The following BTBD16 variants were observed in gnomAD, a reference collection of about 807,000 sequenced individuals.
The protein encoded by BTBD16 is BTB/POZ domain-containing protein 16.
A neutral mutation model predicts 67.4 loss-of-function variants in BTBD16; 66 were observed. The observed-to-expected ratio is 0.98, with a 90% CI of 0.80 to 1.20. The LOEUF is 1.20. Ranked by LOEUF, BTBD16 falls within the 50% of genes most tolerant of loss-of-function variation. The pLI is 0.00. For missense variants in BTBD16, 634 were observed against 616.0 expected (o/e 1.03, Z -0.31); for synonymous variants, 242 against 236.4 (o/e 1.02, Z -0.22).
intron 5 of BTBD16, among the ~76,000 whole-genome samples, chr10:122,286,497 C>G (rs556793838): frequency 2.6e-5 from 4 of 152,142 alleles, no homozygotes; most frequent in African/African-American, 7.2e-5. Flanking sequence ...AGGCCTGGCA[C>G]ACAGCAAGCT....
intron 10 of BTBD16, among the ~76,000 whole-genome samples, chr10:122,307,519 G>C (rs2096405806): frequency 6.6e-6 from 1 of 152,054 alleles, no homozygotes. Context: ...GTTGTACTAT[G>C]AGATAATCAG....
chr10:122,293,872 C>G (rs907578908), intron 7 of BTBD16, among the ~76,000 whole-genome samples: 5 of 152,212 alleles, frequency 3.3e-5, no homozygotes, highest in African/African-American at 1.2e-4. Context: ...CTCAGCTGCC[C>G]TACCTTAGGA....
Position 122,336,603 on chromosome 10 carries a change from T to G in BTBD16, c.1373T>G (p.Val458Gly). ...VKYEIRAEAL[V>G]DGKWQEFRTN... is the part of the protein sequence containing the mutation. Reference sequence around the variant, plus strand: ...TATGAGATCAGAGCAGAGGCCCTGGTTGACGGCAAGTGGCAGGAGTTCAGG... The same window carrying G: ...TATGAGATCAGAGCAGAGGCCCTGGGTGACGGCAAGTGGCAGGAGTTCAGG... Residue 458 changes from valine to glycine, a missense_variant, in exon 15 of 16, where the codon GTT becomes GGT. By Grantham distance (109) the Val-to-Gly change is moderately radical. Transcript: ENST00000260723. 1 of 1,613,052 alleles carries G rather than the reference T, an allele frequency of 6.2e-7. No homozygotes were observed. Among genetic ancestry groups the G allele is most frequent in the Non-Finnish European group, 8.5e-7 (1 of 1,179,772 alleles).
rs1443361178 is a variant in BTBD16, at chr10:122,334,899, A to G, written c.1183A>G (p.Lys395Glu). The change falls in exon 14 of 16, where the codon AAA (lysine) becomes GAA (glutamate). Residue 395 changes from lysine (K) to glutamate (E), a missense_variant. Transcript: ENST00000260723. ...LFNQENTTYS[K>E]TIALYGFFFK... The stretch of plus-strand genomic sequence containing the variant: ...AATTTAGGAGAATACAACTTATTCG[A>G]AAACGATTGCTCTATATGGATTCTT... The G allele has an allele frequency of 1.3e-6, 2 of 1,567,860 alleles. No individual in the cohort carries two copies. Among genetic ancestry groups the G allele is most frequent in the African/African-American group, 2.7e-5 (2 of 73,662 alleles).
rs780049084 is a variant in BTBD16 at position 122,331,158 on chromosome 10, C to G, written c.1004-18C>G. The stretch of plus-strand genomic sequence containing the variant: ...TGTGAATAAAACTAAAAAACATTCT[C>G]TTTGCGTTTCTTCCCAGGCAAGGAT... On this transcript the variant is annotated intron_variant, in intron 11 of 15. Transcript: ENST00000260723. 2.5e-6 allele frequency: 4 copies of G among 1,605,674 alleles called. No individual in the cohort carries two copies. The highest frequency in any genetic ancestry group is 3.4e-6 in the Non-Finnish European group (4 of 1,177,734).
intron 9 of BTBD16, among the ~76,000 whole-genome samples, chr10:122,304,805 G>A (rs913648331): frequency 2.6e-5 from 4 of 152,062 alleles, no homozygotes; most frequent in East Asian, 1.9e-4. Flanking sequence ...TGCCCGCCTC[G>A]GCCTCCCAAA....
intron 10 of BTBD16, among the ~76,000 whole-genome samples, chr10:122,313,973 G>T (rs939184455): frequency 6.6e-6 from 1 of 152,100 alleles, no homozygotes; most frequent in Non-Finnish European, 1.5e-5. Flanking sequence ...TATAAATCTT[G>T]AGATGGAATA....
In BTBD16 at chr10:122,278,574, G is replaced by A. The variant is rs115029271; in HGVS notation, c.167+1635G>A. ...TTAATCCCGGTGATTTCATCTTGGG[G>A]TGTCTCAGCTCTGTGCTCTGCCAGT... On this transcript the variant is annotated intron_variant, in intron 3 of 15. Transcript: ENST00000260723. Among the ~76,000 whole-genome samples the A allele has an allele frequency of 3.8e-3, 580 of 152,266 alleles. 7 individuals are homozygous for A. The highest frequency in any genetic ancestry group is 0.013 in the African/African-American group (524 of 41,552).
At chr10:122,295,107 A>AC (rs889397828) in intron 7 of BTBD16, among the ~76,000 whole-genome samples, 33 of 152,320 alleles carry the variant, frequency 2.2e-4, no homozygotes, top group African/African-American at 7.9e-4. Context: ...CAGAGCTGGC[A>AC]CTCAGGATGG....
intron 5 of BTBD16, chr10:122,287,314 C>A: frequency 1.8e-6 from 1 of 555,438 alleles, no homozygotes; most frequent in Admixed American, 6.4e-5. Flanking sequence ...CTCTGGTGAG[C>A]CAGACAGTGA....
At position 122,276,934 on chromosome 10, in the gene BTBD16, A is replaced by G. The variant is rs2096341916; in HGVS notation, c.162A>G (p.Pro54=). 6.2e-7 allele frequency: 1 copy of G among 1,613,892 alleles called. No homozygotes were observed. The highest frequency in any genetic ancestry group is 1.3e-5 in the African/African-American group (1 of 74,914). ...SIDFEEALRN[P]DRLCISQIQK... ...ACTTTGAGGAAGCTTTGAGGAACCC[A>G]GACAGGTATGGAGACTCAAAGGTTT... The change falls in exon 3 of 16, where the codon CCA becomes CCG. Residue 54 remains proline, a synonymous_variant. Coordinates refer to ENST00000260723, the MANE Select transcript of BTBD16 (RefSeq NM_144587.5).
At chr10:122,273,221 G>GATATATATATATAT (rs71715395) in intron 1 of BTBD16, among the ~76,000 whole-genome samples, 1,948 of 129,220 alleles carry the variant, frequency 0.015, 21 homozygotes, top group East Asian at 0.038. Context: ...GCAACACAAA[G>GATATATATATATAT]ATATATATAT....
intron 5 of BTBD16, among the ~76,000 whole-genome samples, chr10:122,286,754 GTC>G (rs2096364583): frequency 6.6e-6 from 1 of 151,936 alleles, no homozygotes; most frequent in African/African-American, 2.4e-5. Flanking sequence ...TTCTCTTCTC[GTC>G]TCTCTTCCAC....
intron 15 of BTBD16, among the ~76,000 whole-genome samples, chr10:122,337,191 A>C (rs767113553): frequency 4.6e-5 from 7 of 152,202 alleles, no homozygotes; most frequent in Non-Finnish European, 1.0e-4. Context: ...CCAGTGAGTA[A>C]TTCCTGGTCC....
intron 10 of BTBD16, among the ~76,000 whole-genome samples, chr10:122,315,251 A>G (rs1253237740): frequency 1.3e-5 from 2 of 152,192 alleles, no homozygotes; most frequent in Non-Finnish European, 2.9e-5. Flanking sequence ...ATACAGTTTG[A>G]TGACTTTGAT....
chr10:122,302,717 T>C (rs2096396472), intron 9 of BTBD16, among the ~76,000 whole-genome samples: 1 of 152,204 alleles, frequency 6.6e-6, no homozygotes, highest in Non-Finnish European at 1.5e-5. Flanking sequence ...ACACTAACAA[T>C]ACCCACCAAT....
intron 3 of BTBD16, among the ~76,000 whole-genome samples, chr10:122,283,028 G>A (rs929813624): frequency 6.6e-6 from 1 of 152,226 alleles, no homozygotes; most frequent in African/African-American, 2.4e-5. Context: ...GGGGACCGTT[G>A]AGGGACCAGG....
At chr10:122,274,225 C>T (rs2096335418) in intron 1 of BTBD16, among the ~76,000 whole-genome samples, 2 of 152,224 alleles carry the variant, frequency 1.3e-5, no homozygotes, top group Admixed American at 1.3e-4. Context: ...AAGGTGTCTG[C>T]CCTCAGGGGC....
At chr10:122,288,845 G>A (rs1433616252) in intron 5 of BTBD16, among the ~76,000 whole-genome samples, 1 of 152,190 alleles carries the variant, frequency 6.6e-6, no homozygotes, top group African/African-American at 2.4e-5. Flanking sequence ...GAGCATGCCG[G>A]TGAGGGGCTA....
Sources: gnomAD v4.1 joint callset for allele counts (sites outside exome capture counted in the v4.1 genomes callset) on GRCh38, gnomAD v4.1.1 for gene constraint, MANE v1.5 for transcripts, NCBI Gene and HGNC (gene_info 2026-07-23, HGNC 2026-07-21) for gene names.